CNTNAP2: variants seen among roughly 807,000 people sequenced by gnomAD.
CNTNAP2 encodes contactin associated protein 2.
A neutral mutation model predicts 155.2 loss-of-function variants in CNTNAP2; 98 were observed. The observed-to-expected ratio is 0.63, with a 90% confidence interval of 0.54 to 0.75. CNTNAP2 has a LOEUF of 0.75. CNTNAP2 is among the 30% of genes least tolerant of loss of function. The pLI is 0.00. For missense variants in CNTNAP2, 1,727 were observed against 1,688.1 expected, an observed-to-expected ratio of 1.02 and a Z score of -0.40; for synonymous variants, 651 against 631.2, an observed-to-expected ratio of 1.03 and a Z score of -0.47.
chr7:147,337,851 ACT>A (rs1795690920), intron 9 of CNTNAP2, among the ~76,000 whole-genome samples: 1 of 152,122 alleles, frequency 6.6e-6, no homozygotes, highest in Admixed American at 6.6e-5. Flanking sequence ...AAGAAAAATA[ACT>A]CTAGTCATCA....
At chr7:147,024,079 G>T (rs1445415738) in intron 3 of CNTNAP2, among the ~76,000 whole-genome samples, 1 of 152,072 alleles carries the variant, frequency 6.6e-6, no homozygotes, top group Non-Finnish European at 1.5e-5. Context: ...TTATTAACAT[G>T]TAGTATCCAG....
chr7:147,025,183 G>A (rs1798880902), intron 3 of CNTNAP2, among the ~76,000 whole-genome samples: 1 of 148,248 alleles, frequency 6.7e-6, no homozygotes, highest in African/African-American at 2.5e-5. Flanking sequence ...CTACTCCAGA[G>A]GCTGAGACAA....
At chr7:148,404,070 G>C (rs796603552) in intron 22 of CNTNAP2, among the ~76,000 whole-genome samples, 2 of 152,322 alleles carry the variant, frequency 1.3e-5, no homozygotes, top group African/African-American at 4.8e-5. Context: ...TTGAGACTAG[G>C]CATCTGACTT....
intron 3 of CNTNAP2, among the ~76,000 whole-genome samples, chr7:146,881,233 G>A (rs1442693586): frequency 6.6e-6 from 1 of 151,970 alleles, no homozygotes; most frequent in Non-Finnish European, 1.5e-5. Context: ...AAACTGTATT[G>A]GTTTTCTCAA....
At chr7:146,565,237 GA>G (rs1274060052) in intron 1 of CNTNAP2, among the ~76,000 whole-genome samples, 2 of 152,030 alleles carry the variant, frequency 1.3e-5, no homozygotes, top group East Asian at 3.9e-4. Context: ...TCTTTTGTAA[GA>G]AATTGTATAG....
chr7:147,987,813 G>A (rs1011853092), intron 15 of CNTNAP2, among the ~76,000 whole-genome samples: 2 of 152,080 alleles, frequency 1.3e-5, no homozygotes, highest in Non-Finnish European at 2.9e-5. Context: ...TCCTGCCTCA[G>A]CCTCCCAAGT....
In CNTNAP2 at chr7:146,233,648, A is replaced by T. The variant is rs867545491; in HGVS notation, c.97+116675A>T. 6.6e-5 allele frequency among the ~76,000 whole-genome samples: 10 copies of T among 152,012 alleles called. No individual in the cohort carries two copies. In the South Asian group the frequency reaches 2.1e-3, roughly 32 times the overall value. On this transcript the variant is annotated intron_variant, in intron 1 of 23. Coordinates refer to ENST00000361727, the MANE Select transcript of CNTNAP2 (RefSeq NM_014141.6). ...ACACCACAACAGTCCCCAGAGTGTG[A>T]TGTTCCCCTTCCTGTGTCCATGTGT...
intron 4 of CNTNAP2, among the ~76,000 whole-genome samples, chr7:147,055,816 T>C (rs1463657331): frequency 1.3e-5 from 2 of 152,228 alleles, no homozygotes; most frequent in Non-Finnish European, 2.9e-5. Flanking sequence ...AAGTGGAATA[T>C]GCCTGATCCC....
chr7:147,677,683 C>A (rs905617003), intron 13 of CNTNAP2, among the ~76,000 whole-genome samples: 1 of 151,526 alleles, frequency 6.6e-6, no homozygotes, highest in Non-Finnish European at 1.5e-5. Flanking sequence ...CCATTTTAAG[C>A]AGATTTTTAT....
chr7:146,350,860 A>G (rs372769306), intron 1 of CNTNAP2, among the ~76,000 whole-genome samples: 1 of 152,030 alleles, frequency 6.6e-6, no homozygotes, highest in Non-Finnish European at 1.5e-5. Context: ...TAAAAAATGA[A>G]GAGTTCATGT....
At chr7:147,474,522 G>T (rs1284729149) in intron 10 of CNTNAP2, among the ~76,000 whole-genome samples, 1 of 152,104 alleles carries the variant, frequency 6.6e-6, no homozygotes, top group Non-Finnish European at 1.5e-5. Context: ...GGTGGAGGTT[G>T]CAGTGAGCTG....
chr7:147,915,738 T>G (rs1800147310), intron 14 of CNTNAP2, among the ~76,000 whole-genome samples: 1 of 149,516 alleles, frequency 6.7e-6, no homozygotes, highest in African/African-American at 2.5e-5. Context: ...GCTTTACCAG[T>G]GATCTGGGTG....
intron 3 of CNTNAP2, among the ~76,000 whole-genome samples, chr7:146,860,726 T>C (rs6954030): frequency 6.6e-6 from 1 of 151,872 alleles, no homozygotes. Flanking sequence ...TATCAAATGA[T>C]TGAAAAAAAA....
chr7:148,415,333 G>C, intron 23 of CNTNAP2, 84 bp from the exon 24 acceptor site: 1 of 1,387,756 alleles, frequency 7.2e-7, no homozygotes, highest in Non-Finnish European at 1.0e-6. Flanking sequence ...GGCTGTGTCT[G>C]ACGGAGCTGT....
At chr7:148,402,168 G>C (rs961194480) in intron 22 of CNTNAP2, among the ~76,000 whole-genome samples, 1 of 139,750 alleles carries the variant, frequency 7.2e-6, no homozygotes, top group African/African-American at 2.5e-5. Context: ...GACCTCTTTT[G>C]GTCACTGGAT....
Position 147,747,646 on chromosome 7 carries a change from A to G in CNTNAP2, c.2098+108340A>G, listed in dbSNP as rs1797067493. Among the ~76,000 whole-genome samples the G allele has an allele frequency of 2.6e-5, 4 of 152,088 alleles. No homozygotes were observed. In the South Asian group the frequency reaches 6.2e-4, roughly 24 times the overall value. On this transcript the variant is annotated intron_variant, in intron 13 of 23. Transcript: ENST00000361727. ...GATTGCTGGATCCTATGATAGTTCT[A>G]GTTTTAGTTTTTTGAGAAACTTCCA...
At chr7:147,093,224 G>C (rs930742278) in intron 4 of CNTNAP2, among the ~76,000 whole-genome samples, 1 of 133,196 alleles carries the variant, frequency 7.5e-6, no homozygotes, top group Non-Finnish European at 1.5e-5. Flanking sequence ...CTGGGCGAAA[G>C]AGCGAGACTC....
At chr7:146,251,360 T>C in intron 1 of CNTNAP2, among the ~76,000 whole-genome samples, 1 of 152,190 alleles carries the variant, frequency 6.6e-6, no homozygotes, top group East Asian at 1.9e-4. Context: ...TGTCACCTTG[T>C]TTTATGTTTT....
At chr7:146,523,403 C>T (rs1384996625) in intron 1 of CNTNAP2, among the ~76,000 whole-genome samples, 1 of 151,834 alleles carries the variant, frequency 6.6e-6, no homozygotes, top group African/African-American at 2.4e-5. Context: ...ATCCAATATC[C>T]CCTTATTGTA....
Sources: allele counts gnomAD v4.1 joint callset (sites outside exome capture counted in the v4.1 genomes callset), GRCh38; gene constraint gnomAD v4.1.1; transcripts MANE v1.5; gene names NCBI Gene and HGNC (gene_info 2026-07-23, HGNC 2026-07-21).